Variants in XIRP2 observed in about 807,000 individuals in gnomAD.
XIRP2 encodes the protein xin actin binding repeat containing 2, also known as xin actin-binding repeat-containing protein 2.
In XIRP2, 236 loss-of-function variants were observed where a neutral mutation model predicts 277.0. The observed-to-expected ratio is 0.85, with a 90% CI of 0.77 to 0.95. The LOEUF is 0.95. Among genes scored for constraint, XIRP2 ranks in the 40% least tolerant of loss-of-function variants. XIRP2 has a pLI of 0.00. For missense variants in XIRP2, 4,640 were observed against 4,157.5 expected (o/e 1.12, Z -3.19); for synonymous variants, 1,490 against 1,416.5 (o/e 1.05, Z -1.17).
intron 3 of XIRP2, among the ~76,000 whole-genome samples, chr2:167,141,542 A>T (rs763539796): frequency 3.9e-5 from 6 of 152,180 alleles, no homozygotes; most frequent in Non-Finnish European, 7.3e-5. Context: ...CCTAATTTTA[A>T]TTAGGATGAT....
At chr2:167,210,228 G>A (rs1339144724) in intron 3 of XIRP2, among the ~76,000 whole-genome samples, 1 of 152,150 alleles carries the variant, frequency 6.6e-6, no homozygotes, top group East Asian at 1.9e-4. Flanking sequence ...AGAGAAGAAA[G>A]GAGCAACCCT....
Position 167,168,216 on chromosome 2 carries a change from A to G in XIRP2, c.562+32154A>G, listed in dbSNP as rs139381801. On this transcript the variant is annotated intron_variant, in intron 3 of 10. Transcript: ENST00000409195. ...TTAAAAATAATATGACTACGTGTAGACTTTCTGACATTTATCTTGTTCAGT... is the reference window on the plus strand; with the variant it reads ...TTAAAAATAATATGACTACGTGTAGGCTTTCTGACATTTATCTTGTTCAGT... Among the ~76,000 whole-genome samples the G allele has an allele frequency of 6.2e-3, 939 of 152,206 alleles. 7 individuals are homozygous for G. Among genetic ancestry groups the G allele is most frequent in the African/African-American group, 0.022 (906 of 41,544 alleles).
intron 2 of XIRP2, among the ~76,000 whole-genome samples, chr2:166,954,674 C>T (rs1460764130): frequency 6.6e-6 from 1 of 151,882 alleles, no homozygotes; most frequent in Non-Finnish European, 1.5e-5. Flanking sequence ...AACCCAAATG[C>T]CCATCAGTGA....
intron 2 of XIRP2, among the ~76,000 whole-genome samples, chr2:166,957,262 G>GA (rs536889857): frequency 2.0e-4 from 31 of 151,606 alleles, no homozygotes; most frequent in African/African-American, 7.0e-4. Context: ...TTGTACAAGG[G>GA]AAAAAATGTA....
intron 2 of XIRP2, among the ~76,000 whole-genome samples, chr2:167,120,344 G>A (rs1178927503): frequency 6.6e-6 from 1 of 152,190 alleles, no homozygotes; most frequent in African/African-American, 2.4e-5. Context: ...CCATGGCACT[G>A]AGTGTTATAT....
intron 2 of XIRP2, among the ~76,000 whole-genome samples, chr2:167,041,454 G>C (rs1267170520): frequency 6.6e-6 from 1 of 152,106 alleles, no homozygotes; most frequent in Non-Finnish European, 1.5e-5. Flanking sequence ...AGAGCTGAAA[G>C]ACAAAATAGC....
At chr2:166,920,511 T>G (rs955698689) in intron 2 of XIRP2, among the ~76,000 whole-genome samples, 3 of 152,188 alleles carry the variant, frequency 2.0e-5, no homozygotes, top group African/African-American at 7.2e-5. Flanking sequence ...ACTCTTATTC[T>G]AAGATACACA....
intron 2 of XIRP2, among the ~76,000 whole-genome samples, chr2:166,939,870 GC>G (rs1685650516): frequency 6.6e-6 from 1 of 152,044 alleles, no homozygotes; most frequent in South Asian, 2.1e-4. Context: ...CTCTCTGCCT[GC>G]CCTTCACATT....
chr2:167,242,735 T>A lies in XIRP2; in HGVS notation c.1343T>A (p.Met448Lys), dbSNP rs765307519. 3.7e-6 allele frequency: 6 copies of A among 1,613,940 alleles called. No homozygotes were observed. The highest frequency in any genetic ancestry group is 1.7e-5 in the Admixed American group (1 of 59,998). Residue 448 changes from methionine to lysine, a missense_variant, in exon 9 of 11, where the codon ATG (methionine) becomes AAG (lysine). Coordinates refer to ENST00000409195, the MANE Select transcript of XIRP2 (RefSeq NM_152381.6). ...CAAATTAATGCTACTTCTTCAGGAA[T>A]GACAGAAGAATTTCCTCCTCCCCCA... ...LAQINATSSG[M>K]TEEFPPPPPD...
intron 2 of XIRP2, among the ~76,000 whole-genome samples, chr2:166,997,188 G>A (rs2105450083): frequency 6.6e-6 from 1 of 152,114 alleles, no homozygotes; most frequent in East Asian, 1.9e-4. Context: ...ATTTTCACAG[G>A]ATTTTTTATT....
intron 2 of XIRP2, among the ~76,000 whole-genome samples, chr2:166,917,914 GTCC>G (rs1417964098): frequency 6.6e-6 from 1 of 151,856 alleles, no homozygotes. Flanking sequence ...TCCTTTCCCT[GTCC>G]TCCTATGACT....
At position 166,895,615 on chromosome 2, in the gene XIRP2, T is replaced by C. The variant is rs555521024; in HGVS notation, c.-19+7058T>C. Among the ~76,000 whole-genome samples, 365 of 152,332 alleles carry C rather than the reference T, an allele frequency of 2.4e-3. 3 individuals carry two copies. The highest frequency in any genetic ancestry group is 8.4e-3 in the African/African-American group (350 of 41,586). On this transcript the variant is annotated intron_variant, in intron 1 of 10. Transcript: ENST00000409195. ...GCAGGGTCACTGCCTGCCACCTACG[T>C]AGTCCCTTTGGATATTCATTTCAGC...
intron 2 of XIRP2, among the ~76,000 whole-genome samples, chr2:166,916,034 C>T (rs1684867327): frequency 6.6e-6 from 1 of 152,166 alleles, no homozygotes; most frequent in Non-Finnish European, 1.5e-5. Flanking sequence ...CATGAACCTA[C>T]ATGTGCATCA....
chr2:167,049,570 C>G (rs1688868445), intron 2 of XIRP2, among the ~76,000 whole-genome samples: 1 of 151,612 alleles, frequency 6.6e-6, no homozygotes, highest in Non-Finnish European at 1.5e-5. Context: ...AGTTCAGAAT[C>G]TATTGAAATA....
intron 2 of XIRP2, among the ~76,000 whole-genome samples, chr2:166,950,827 T>G (rs1308427944): frequency 1.3e-5 from 2 of 152,064 alleles, no homozygotes; most frequent in African/African-American, 4.8e-5. Flanking sequence ...TATCACTGAT[T>G]ATTCAAATAG....
At chr2:167,189,684 T>C (rs1450386281) in intron 3 of XIRP2, among the ~76,000 whole-genome samples, 1 of 152,224 alleles carries the variant, frequency 6.6e-6, no homozygotes, top group Non-Finnish European at 1.5e-5. Flanking sequence ...TTTATATGAC[T>C]GTGTGGCATG....
rs775933770 is a variant in XIRP2, at chr2:167,246,055, A to G, written c.4663A>G (p.Thr1555Ala). ...AATTATTGGCAAGAGCATTAAAGAA[A>G]CCTTAGAAGATCTCTACTCTCAAAA... Reference protein sequence around the residue: ...IEIIGKSIKETLEDLYSQKVI... With the variant: ...IEIIGKSIKEALEDLYSQKVI... The change falls in exon 9 of 11, where the codon ACC (threonine) becomes GCC (alanine). Residue 1555 changes from threonine (T) to alanine (A), a missense_variant. Transcript: ENST00000409195. 15 of 1,613,480 alleles carry G rather than the reference A, an allele frequency of 9.3e-6. No individual in the cohort carries two copies. Among genetic ancestry groups the G allele is most frequent in the Non-Finnish European group, 1.3e-5 (15 of 1,179,768 alleles).
At chr2:167,253,209 T>G (rs1036562042) in intron 9 of XIRP2, among the ~76,000 whole-genome samples, 4 of 151,928 alleles carry the variant, frequency 2.6e-5, no homozygotes, top group African/African-American at 9.7e-5. Context: ...GAAGTGAAAG[T>G]TCTGTGTTAG....
chr2:167,065,095 C>A (rs1374257966), intron 2 of XIRP2, among the ~76,000 whole-genome samples: 1 of 151,922 alleles, frequency 6.6e-6, no homozygotes, highest in Non-Finnish European at 1.5e-5. Context: ...TCCATAGAGG[C>A]TGCACTATTC....
Sources: gnomAD v4.1 joint callset for allele counts (sites outside exome capture counted in the v4.1 genomes callset) on GRCh38, gnomAD v4.1.1 for gene constraint, MANE v1.5 for transcripts, NCBI Gene and HGNC (gene_info 2026-07-23, HGNC 2026-07-21) for gene names.